FGF12: variants seen among roughly 807,000 people sequenced by gnomAD.
FGF12 encodes fibroblast growth factor 12.
FGF12 carries 14 observed loss-of-function variants against 23.6 expected under a neutral mutation model. The observed-to-expected ratio is 0.59, with a 90% CI of 0.39 to 0.93. The LOEUF (loss-of-function observed/expected upper bound fraction) is 0.93. Ranked by LOEUF, FGF12 falls within the 40% of genes least tolerant of loss-of-function variation. The pLI is 0.00. For synonymous variants in FGF12, 62 were observed against 77.3 expected, an observed-to-expected ratio of 0.80 and a Z score of 1.04; for missense variants, 175 against 217.8, an observed-to-expected ratio of 0.80 and a Z score of 1.24.
At chr3:192,492,136 CTTTG>C (rs1039501120) in intron 2 of FGF12, among the ~76,000 whole-genome samples, 13 of 152,134 alleles carry the variant, frequency 8.5e-5, no homozygotes, top group Non-Finnish European at 1.2e-4. Context: ...ATAAAGGACA[CTTTG>C]TTTGTATCTT....
intron 2 of FGF12, among the ~76,000 whole-genome samples, chr3:192,482,765 A>C (rs1265872570): frequency 1.3e-5 from 2 of 152,216 alleles, no homozygotes; most frequent in African/African-American, 4.8e-5. Flanking sequence ...TTCAGCAGTA[A>C]AACAAAATAA....
At chr3:192,378,043 T>TTTCA (rs1719620522) in intron 2 of FGF12, among the ~76,000 whole-genome samples, 2 of 83,636 alleles carry the variant, frequency 2.4e-5, no homozygotes, top group Admixed American at 2.3e-4. Flanking sequence ...TCTTTCTTTC[T>TTTCA]TTCTTTCTTT....
intron 4 of FGF12, among the ~76,000 whole-genome samples, chr3:192,187,099 T>C (rs1464167753): frequency 3.3e-5 from 5 of 152,204 alleles, no homozygotes. Context: ...TCTCATCAGT[T>C]TAGCTTGTAT....
chr3:192,381,852 C>CA (rs568656147), intron 2 of FGF12, among the ~76,000 whole-genome samples: 2 of 152,006 alleles, frequency 1.3e-5, no homozygotes, highest in Non-Finnish European at 2.9e-5. Flanking sequence ...GACAGTGGCC[C>CA]AAAGAGGAGT....
At chr3:192,351,777 A>G (rs932372493) in intron 3 of FGF12, among the ~76,000 whole-genome samples, 3 of 152,222 alleles carry the variant, frequency 2.0e-5, no homozygotes, top group Non-Finnish European at 2.9e-5. Context: ...AAACAAATGC[A>G]TAACCCTCAA....
chr3:192,431,619 A>G (rs1217057648), intron 2 of FGF12, among the ~76,000 whole-genome samples: 5 of 152,226 alleles, frequency 3.3e-5, no homozygotes, highest in Non-Finnish European at 7.3e-5. Context: ...ATAGAATCAC[A>G]GAATCCTAGG....
At chr3:192,399,942 G>C (rs568813118) in intron 2 of FGF12, among the ~76,000 whole-genome samples, 1 of 152,192 alleles carries the variant, frequency 6.6e-6, no homozygotes, top group Non-Finnish European at 1.5e-5. Context: ...GTGAGGAGTG[G>C]TGGTTACAAG....
intron 4 of FGF12, among the ~76,000 whole-genome samples, chr3:192,182,750 C>G (rs951084465): frequency 2.6e-5 from 4 of 152,174 alleles, no homozygotes; most frequent in African/African-American, 9.7e-5. Flanking sequence ...TCAATCCCAA[C>G]ATCCAGGGGG....
At chr3:192,438,238 G>C (rs1345876449) in intron 2 of FGF12, among the ~76,000 whole-genome samples, 1 of 152,110 alleles carries the variant, frequency 6.6e-6, no homozygotes, top group Non-Finnish European at 1.5e-5. Flanking sequence ...CCCACCTTTG[G>C]TTCTTCTTCC....
At chr3:192,426,023 A>T (rs1721678809) in intron 2 of FGF12, among the ~76,000 whole-genome samples, 1 of 152,242 alleles carries the variant, frequency 6.6e-6, no homozygotes, top group Non-Finnish European at 1.5e-5. Flanking sequence ...CCAAGTTTAT[A>T]GCTCTTTACA....
At chr3:192,323,534 A>G (rs1044216500) in intron 4 of FGF12, among the ~76,000 whole-genome samples, 11 of 152,024 alleles carry the variant, frequency 7.2e-5, no homozygotes, top group South Asian at 2.1e-4. Context: ...GGAGTTAGAG[A>G]GTAGAATGAT....
At chr3:192,442,950 G>C (rs996112933) in intron 2 of FGF12, among the ~76,000 whole-genome samples, 3 of 152,096 alleles carry the variant, frequency 2.0e-5, no homozygotes, top group African/African-American at 7.2e-5. Context: ...TGGGATTACA[G>C]GTGCCTGCCA....
chr3:192,714,679 C>T (rs1243282027), intron 2 of FGF12, among the ~76,000 whole-genome samples: 3 of 151,806 alleles, frequency 2.0e-5, no homozygotes, highest in African/African-American at 7.3e-5. Flanking sequence ...CCACTACGTC[C>T]GGCTAATTTT....
At chr3:192,331,656 A>G (rs996576200) in intron 4 of FGF12, among the ~76,000 whole-genome samples, 9 of 152,106 alleles carry the variant, frequency 5.9e-5, no homozygotes, top group Admixed American at 2.0e-4. Context: ...CCTCTTTGTA[A>G]CTATAAGTAA....
intron 4 of FGF12, among the ~76,000 whole-genome samples, chr3:192,243,982 C>A (rs951208696): frequency 2.6e-5 from 4 of 152,136 alleles, no homozygotes; most frequent in African/African-American, 9.6e-5. Flanking sequence ...TATGCTAAAA[C>A]CACATATCAT....
intron 2 of FGF12, among the ~76,000 whole-genome samples, chr3:192,420,183 G>A (rs1188274598): frequency 6.6e-6 from 1 of 152,124 alleles, no homozygotes; most frequent in Non-Finnish European, 1.5e-5. Context: ...GGTGAGCACA[G>A]AACCAAAGGA....
At chr3:192,175,480 T>C (rs1215964416) in intron 4 of FGF12, among the ~76,000 whole-genome samples, 3 of 152,182 alleles carry the variant, frequency 2.0e-5, no homozygotes, top group Admixed American at 2.0e-4. Context: ...TTTTTCACAA[T>C]TATTACTTTA....
chr3:192,453,762 G>A (rs1039451789), intron 2 of FGF12, among the ~76,000 whole-genome samples: 1 of 151,904 alleles, frequency 6.6e-6, no homozygotes, highest in African/African-American at 2.4e-5. Flanking sequence ...AAGACCCATG[G>A]GATTAGTCTC....
intron 2 of FGF12, among the ~76,000 whole-genome samples, chr3:192,596,498 G>A (rs1342643145): frequency 1.3e-5 from 2 of 151,954 alleles, no homozygotes; most frequent in Admixed American, 6.6e-5. Context: ...AGGTGAATAG[G>A]GTATGTGTAT....
Sources: gnomAD v4.1 joint callset for allele counts (sites outside exome capture counted in the v4.1 genomes callset) on GRCh38, gnomAD v4.1.1 for gene constraint, MANE v1.5 for transcripts, NCBI Gene and HGNC (gene_info 2026-07-23, HGNC 2026-07-21) for gene names.